Variants in MCF2L observed in about 807,000 individuals in gnomAD.
MCF2L encodes the protein MCF.2 cell line derived transforming sequence like.
In MCF2L, 97 loss-of-function variants were observed where a neutral mutation model predicts 153.4. That is an observed-to-expected ratio of 0.63 (90% CI 0.54 to 0.75). The LOEUF (loss-of-function observed/expected upper bound fraction) is 0.75. Among genes scored for constraint, MCF2L ranks in the 30% least tolerant of loss-of-function variants. MCF2L has a pLI of 0.00. For missense variants in MCF2L, 1,347 were observed against 1,495.2 expected (o/e 0.90, Z 1.64); for synonymous variants, 659 against 632.2 (o/e 1.04, Z -0.64).
intron 1 of MCF2L, among the ~76,000 whole-genome samples, chr13:113,011,670 G>T (rs1305105974): frequency 1.2e-4 from 13 of 104,656 alleles, no homozygotes; most frequent in African/African-American, 4.1e-4. Flanking sequence ...ACACTGTGAT[G>T]CAGACGGTGG....
At chr13:112,973,169 A>G (rs915025002) in intron 1 of MCF2L, among the ~76,000 whole-genome samples, 4 of 152,100 alleles carry the variant, frequency 2.6e-5, no homozygotes, top group African/African-American at 9.7e-5. Context: ...GCGGTTTCTG[A>G]CGGACGCCTT....
chr13:112,926,648 G>A lies in MCF2L; in HGVS notation c.169+24277G>A, dbSNP rs778813598. 3.7e-4 allele frequency among the ~76,000 whole-genome samples: 56 copies of A among 152,182 alleles called. 1 individual carries two copies. Among genetic ancestry groups the A allele is most frequent in the Non-Finnish European group, 7.2e-4 (49 of 68,032 alleles). ...TATAGCCTTGGAAAAGGATGAAACCGTATCATTTGTGACAACATATATGAA... is the reference window on the plus strand; with the variant it reads ...TATAGCCTTGGAAAAGGATGAAACCATATCATTTGTGACAACATATATGAA... On this transcript the variant is annotated intron_variant, in intron 2 of 29. Transcript: ENST00000375608.
rs79197278 is a variant in MCF2L, at chr13:112,942,749, G to A, written c.169+40378G>A. Reference sequence around the variant, plus strand: ...GCAGGTAACCAAGTTTTGCCTGCAGGAATGTGCAGCGGGTGCAGGCAGGGA... The same window carrying A: ...GCAGGTAACCAAGTTTTGCCTGCAGAAATGTGCAGCGGGTGCAGGCAGGGA... On this transcript the variant is annotated intron_variant, in intron 2 of 29. Transcript: ENST00000375608. Among the ~76,000 whole-genome samples, 1,450 of 152,332 alleles carry A rather than the reference G, an allele frequency of 9.5e-3. 9 individuals are homozygous for A. Among genetic ancestry groups the A allele is most frequent in the Non-Finnish European group, 0.015 (1,048 of 68,030 alleles).
At chr13:113,006,947 G>A (rs966955411) in intron 1 of MCF2L, among the ~76,000 whole-genome samples, 2 of 152,142 alleles carry the variant, frequency 1.3e-5, no homozygotes, top group African/African-American at 2.4e-5. Flanking sequence ...TGGCAAAGCC[G>A]GCAGCCAGCC....
intron 25 of MCF2L, among the ~76,000 whole-genome samples, 153 bp from the exon 26 acceptor site, chr13:113,089,457 G>A (rs568729517): frequency 6.6e-6 from 1 of 151,986 alleles, no homozygotes. Flanking sequence ...CATCCAGTCC[G>A]TCCGGGTTTA....
rs2081579579 is a variant in MCF2L at position 112,941,993 on chromosome 13, G to C, written c.169+39622G>C. Reference sequence around the variant, plus strand: ...CTGGGAAGACGCCCGTTGCCAAGCGGACCATGGTCTAGCGGTAGCGTCAGT... The same window carrying C: ...CTGGGAAGACGCCCGTTGCCAAGCGCACCATGGTCTAGCGGTAGCGTCAGT... On this transcript the variant is annotated intron_variant, in intron 2 of 29. Coordinates refer to the MCF2L transcript ENST00000375608. This position sits in a 1 kb window ranked among gnomAD's most constrained non-coding sequence, Gnocchi z 4.9. Among the ~76,000 whole-genome samples, 1 of 152,182 alleles carries C rather than the reference G, an allele frequency of 6.6e-6. No homozygotes were observed. The highest frequency in any genetic ancestry group is 2.4e-5 in the African/African-American group (1 of 41,448).
chr13:112,982,683 G>A (rs1327426008), intron 1 of MCF2L, among the ~76,000 whole-genome samples: 6 of 152,180 alleles, frequency 3.9e-5, no homozygotes, highest in Non-Finnish European at 7.4e-5. Context: ...AGCTGGGCAG[G>A]GACCATGCCG....
At chr13:112,935,615 C>T (rs1001635106) in intron 2 of MCF2L, among the ~76,000 whole-genome samples, 11 of 152,138 alleles carry the variant, frequency 7.2e-5, no homozygotes, top group Non-Finnish European at 1.5e-4. Flanking sequence ...CGTAGCCTCA[C>T]GTGAGTGTTC....
intron 2 of MCF2L, among the ~76,000 whole-genome samples, chr13:112,942,953 C>A (rs2081591549): frequency 6.6e-6 from 1 of 152,146 alleles, no homozygotes; most frequent in Admixed American, 6.5e-5. Flanking sequence ...TTCCATTTTT[C>A]CTTCTGTATT....
At chr13:113,086,085 C>G in intron 20 of MCF2L, 39 bp from the exon 21 acceptor site, 1 of 1,582,386 alleles carries the variant, frequency 6.3e-7, no homozygotes, top group Non-Finnish European at 8.6e-7. Context: ...CCAGGGCTCT[C>G]CGTGTCCCGA....
chr13:112,894,967 TG>T (rs2081052274), intron 1 of MCF2L, among the ~76,000 whole-genome samples: 1 of 146,950 alleles, frequency 6.8e-6, no homozygotes. Flanking sequence ...GAGGGTAGCC[TG>T]GGGTCGGGCC....
chr13:112,916,125 G>A (rs1477546202), intron 2 of MCF2L, among the ~76,000 whole-genome samples: 5 of 148,418 alleles, frequency 3.4e-5, no homozygotes, highest in East Asian at 2.0e-4. Context: ...GGAGAATGGC[G>A]TGAACCTGGG....
At chr13:113,042,908 C>A (rs2086591641) in intron 3 of MCF2L, 1 of 152,232 alleles carries the variant, frequency 6.6e-6, no homozygotes, top group African/African-American at 2.4e-5. Context: ...AACCCAGAGG[C>A]TGAAATTCCA....
At chr13:113,022,891 TAAC>T (rs1386197872) in intron 2 of MCF2L, among the ~76,000 whole-genome samples, 1 of 152,206 alleles carries the variant, frequency 6.6e-6, no homozygotes, top group African/African-American at 2.4e-5. Context: ...AAGTGCGAAT[TAAC>T]AATGATGAAA....
intron 2 of MCF2L, among the ~76,000 whole-genome samples, chr13:112,903,807 T>C (rs751051071): frequency 2.6e-4 from 40 of 152,192 alleles, no homozygotes; most frequent in Non-Finnish European, 2.4e-4. Context: ...CCTGCTTCTC[T>C]GGGATGTACA....
intron 3 of MCF2L, among the ~76,000 whole-genome samples, chr13:113,034,991 A>G (rs1263193684): frequency 6.6e-6 from 1 of 152,182 alleles, no homozygotes; most frequent in Non-Finnish European, 1.5e-5. Flanking sequence ...CAAGGGACCT[A>G]TGGCGCCCAC....
At chr13:113,021,089 T>C (rs928284610) in intron 2 of MCF2L, among the ~76,000 whole-genome samples, 7 of 152,182 alleles carry the variant, frequency 4.6e-5, no homozygotes, top group Non-Finnish European at 1.5e-5. Flanking sequence ...TGTTTGTACA[T>C]ATATGTACAT....
At chr13:113,065,848 A>G (rs1366632223) in intron 7 of MCF2L, among the ~76,000 whole-genome samples, 198 bp from the exon 8 acceptor site, 1 of 152,202 alleles carries the variant, frequency 6.6e-6, no homozygotes, top group Admixed American at 6.5e-5. Context: ...CCCGGGGCAC[A>G]CAGGAGTGAG....
intron 1 of MCF2L, among the ~76,000 whole-genome samples, chr13:112,978,566 C>T (rs1252466110): frequency 1.3e-5 from 2 of 152,200 alleles, no homozygotes; most frequent in East Asian, 3.9e-4. Context: ...TTGATGTCCC[C>T]GATGCCAGTG....
Sources: gnomAD v4.1 joint callset for allele counts (sites outside exome capture counted in the v4.1 genomes callset) on GRCh38, gnomAD v4.1.1 for gene constraint, Gnocchi (gnomAD v3.1) non-coding constraint, MANE v1.5 for transcripts, NCBI Gene and HGNC (gene_info 2026-07-23, HGNC 2026-07-21) for gene names.